The following LAMA2 variants were observed in gnomAD, a reference collection of about 807,000 sequenced individuals.
LAMA2 encodes the protein laminin subunit alpha 2.
LAMA2 carries 269 observed loss-of-function variants against 364.8 expected under a neutral mutation model. The observed-to-expected ratio is 0.74, with a 90% CI of 0.67 to 0.82. LAMA2 has a LOEUF of 0.82. Ranked by LOEUF, LAMA2 falls within the 40% of genes least tolerant of loss-of-function variation. The pLI, the probability that LAMA2 is intolerant of heterozygous loss-of-function variation, is 0.00. For synonymous variants in LAMA2, 1,379 were observed against 1,370.6 expected (o/e 1.01, Z -0.14); for missense variants, 3,807 against 3,873.2 (o/e 0.98, Z 0.45).
At chr6:129,146,727 T>C (rs537063221) in intron 5 of LAMA2, among the ~76,000 whole-genome samples, 129 of 152,078 alleles carry the variant, frequency 8.5e-4, no homozygotes, top group African/African-American at 3.0e-3. Flanking sequence ...AAAAAGATAT[T>C]TCTAAAATGC....
intron 32 of LAMA2, among the ~76,000 whole-genome samples, chr6:129,357,318 T>C (rs1777203715): frequency 1.3e-5 from 2 of 152,152 alleles, no homozygotes; most frequent in African/African-American, 2.4e-5. Context: ...CATAGTAAAA[T>C]GTATTACTCT....
intron 55 of LAMA2, 80 bp downstream of exon 55, chr6:129,481,519 C>A: frequency 2.5e-6 from 3 of 1,184,092 alleles, no homozygotes; most frequent in Non-Finnish European, 2.5e-6. Flanking sequence ...TTTTTAGTTT[C>A]GTATCATTTA....
intron 29 of LAMA2, among the ~76,000 whole-genome samples, chr6:129,331,731 C>T (rs1775668160): frequency 6.6e-6 from 1 of 152,038 alleles, no homozygotes; most frequent in African/African-American, 2.4e-5. Flanking sequence ...CATTCTTCTC[C>T]TTCCATACAA....
chr6:129,207,783 C>G (rs113173162), intron 12 of LAMA2, among the ~76,000 whole-genome samples: 4 of 143,764 alleles, frequency 2.8e-5, no homozygotes, highest in African/African-American at 1.2e-4. Context: ...CAAAAATACC[C>G]CTGAGAAAAA....
intron 56 of LAMA2, chr6:129,490,835 T>G (rs1176135079): frequency 6.6e-6 from 1 of 152,172 alleles, no homozygotes; most frequent in African/African-American, 2.4e-5. Context: ...AAACTAAATT[T>G]TACCGGTCCC....
At chr6:129,327,231 G>A (rs1487526747) in intron 28 of LAMA2, among the ~76,000 whole-genome samples, 1 of 152,088 alleles carries the variant, frequency 6.6e-6, no homozygotes, top group Non-Finnish European at 1.5e-5. Context: ...AACAAGGAGG[G>A]TGCTAGCTAT....
chr6:129,251,476 G>A lies in LAMA2; in HGVS notation c.1885-608G>A, dbSNP rs971110543. 3.3e-5 allele frequency among the ~76,000 whole-genome samples: 5 copies of A among 152,050 alleles called. 1 individual carries two copies. Among genetic ancestry groups the A allele is most frequent in the East Asian group, 1.9e-4 (1 of 5,190 alleles). On this transcript the variant is annotated intron_variant, in intron 13 of 64. Coordinates refer to ENST00000421865, the MANE Select transcript of LAMA2 (RefSeq NM_000426.4). ...CACATATATGTTTATGAGTTGTCAG[G>A]TAGCTATTATTTTAGTTAACAGGGA...
At chr6:129,363,119 G>A (rs916934379) in intron 32 of LAMA2, among the ~76,000 whole-genome samples, 60 of 152,064 alleles carry the variant, frequency 3.9e-4, no homozygotes, top group African/African-American at 1.4e-3. Context: ...CATCAGCCAG[G>A]GCAACACAGC....
chr6:129,006,914 T>A (rs1175693597), intron 1 of LAMA2, among the ~76,000 whole-genome samples: 1 of 152,112 alleles, frequency 6.6e-6, no homozygotes, highest in African/African-American at 2.4e-5. Context: ...CTGACTCTCT[T>A]CTCCTAAACC....
At chr6:129,074,735 T>A (rs971120227) in intron 3 of LAMA2, among the ~76,000 whole-genome samples, 8 of 152,220 alleles carry the variant, frequency 5.3e-5, no homozygotes, top group African/African-American at 1.9e-4. Flanking sequence ...TGCTTCAATA[T>A]TAAAACAATA....
chr6:129,491,570 A>C (rs762243808), intron 56 of LAMA2, among the ~76,000 whole-genome samples: 1 of 152,238 alleles, frequency 6.6e-6, no homozygotes, highest in Non-Finnish European at 1.5e-5. Flanking sequence ...GCCAACCCTT[A>C]TACGGTTAGA....
intron 3 of LAMA2, among the ~76,000 whole-genome samples, chr6:129,093,132 A>G (rs970738512): frequency 1.3e-5 from 2 of 149,698 alleles, no homozygotes; most frequent in African/African-American, 4.9e-5. Flanking sequence ...ACAGGCGCCC[A>G]CCACCACCCC....
chr6:128,938,787 T>C (rs1779988513), intron 1 of LAMA2, among the ~76,000 whole-genome samples: 1 of 152,112 alleles, frequency 6.6e-6, no homozygotes, highest in African/African-American at 2.4e-5. Context: ...ACCAAAAGAA[T>C]GGAAGCCAGC....
At chr6:129,480,138 C>T (rs1784277743) in intron 54 of LAMA2, among the ~76,000 whole-genome samples, 1 of 152,148 alleles carries the variant, frequency 6.6e-6, no homozygotes, top group Admixed American at 6.6e-5. Context: ...ATTGAAAAGT[C>T]TGCACAGTAG....
At chr6:129,434,397 G>A (rs1277326473) in intron 41 of LAMA2, among the ~76,000 whole-genome samples, 2 of 152,122 alleles carry the variant, frequency 1.3e-5, no homozygotes, top group Non-Finnish European at 2.9e-5. Context: ...GAAAGGGAGA[G>A]CCAGACTTAA....
rs200496509 is a variant in LAMA2 at position 128,952,004 on chromosome 6, A to G, written c.112+68647A>G. Reference sequence around the variant, plus strand: ...ACATGGGGAGACCCTGCCTCTAGAGAAAATGAAAAATAATTAGGCAGGCAT... The same window carrying G: ...ACATGGGGAGACCCTGCCTCTAGAGGAAATGAAAAATAATTAGGCAGGCAT... On this transcript the variant is annotated intron_variant, in intron 1 of 64. Coordinates refer to ENST00000421865, the MANE Select transcript of LAMA2 (RefSeq NM_000426.4). Among the ~76,000 whole-genome samples, 5 of 151,922 alleles carry G rather than the reference A, an allele frequency of 3.3e-5. No individual in the cohort carries two copies. The East Asian group carries it at 9.7e-4, about 30-fold the overall frequency.
chr6:129,268,806 C>T (rs1300499588), intron 16 of LAMA2, among the ~76,000 whole-genome samples: 2 of 152,018 alleles, frequency 1.3e-5, no homozygotes, highest in Non-Finnish European at 2.9e-5. Flanking sequence ...CTGAATTTTC[C>T]ATCATAGCTA....
chr6:128,920,028 G>A (rs190715511), intron 1 of LAMA2, among the ~76,000 whole-genome samples: 1 of 152,150 alleles, frequency 6.6e-6, no homozygotes. Context: ...TATCCATTCT[G>A]AATTCCTTTG....
At chr6:129,168,455 G>C (rs1444414809) in intron 9 of LAMA2, among the ~76,000 whole-genome samples, 1 of 152,208 alleles carries the variant, frequency 6.6e-6, no homozygotes. Context: ...TCTCAGGTTT[G>C]TCAAAGATCA....
Sources: gnomAD v4.1 joint callset for allele counts (sites outside exome capture counted in the v4.1 genomes callset) on GRCh38, gnomAD v4.1.1 for gene constraint, MANE v1.5 for transcripts, NCBI Gene and HGNC (gene_info 2026-07-23, HGNC 2026-07-21) for gene names.